LRRC61: variants seen among roughly 807,000 people sequenced by gnomAD.
LRRC61 encodes leucine rich repeat containing 61.
LRRC61 carries 9 observed loss-of-function variants against 15.1 expected under a neutral mutation model. That is an observed-to-expected ratio of 0.60 (90% CI 0.36 to 1.04). The LOEUF (loss-of-function observed/expected upper bound fraction) is 1.04, where lower values mean the gene tolerates loss of function less well. Ranked by LOEUF, LRRC61 falls within the 50% of genes least tolerant of loss-of-function variation. LRRC61 has a pLI of 0.01. For missense variants in LRRC61, 344 were observed against 335.6 expected, an observed-to-expected ratio of 1.03 and a Z score of -0.20; for synonymous variants, 173 against 158.6, an observed-to-expected ratio of 1.09 and a Z score of -0.68.
rs1004506405 is a variant in LRRC61 at position 150,336,062 on chromosome 7, G to A, written c.-144-656G>A. 7.2e-5 allele frequency among the ~76,000 whole-genome samples: 11 copies of A among 152,276 alleles called. 1 individual carries two copies. The highest frequency in any genetic ancestry group is 4.2e-4 in the South Asian group (2 of 4,812). On this transcript the variant is annotated intron_variant, in intron 2 of 2. Coordinates refer to ENST00000359623, the MANE Select transcript of LRRC61 (RefSeq NM_001142928.2). ...CAGTGAAGTGAGAGCAAGGGTGTGC[G>A]ACCTAGCCAGGCCACTTACCCCAGC...
upstream of LRRC61, among the ~76,000 whole-genome samples, chr7:150,321,434 T>A (rs1797503933): frequency 1.3e-5 from 2 of 152,202 alleles, no homozygotes; most frequent in African/African-American, 4.8e-5. Context: ...GGAGATCAAC[T>A]GAAATTAAAA....
rs143274000 is a variant in LRRC61, at chr7:150,336,936, A to G, written c.75A>G (p.Thr25=). 3.1e-5 allele frequency: 50 copies of G among 1,613,802 alleles called. No homozygotes were observed. The African/African-American group carries it at 6.1e-4, about 20-fold the overall frequency. The stretch of plus-strand genomic sequence containing the variant: ...CACCCCAGCTGCTGAAGTCACGCAC[A>G]GGCGAGTTCTCCCTGGAGTCCATCC... The part of the protein sequence containing the change: ...QITPQLLKSR[T]GEFSLESILL... The change falls in exon 3 of 3, where the codon ACA becomes ACG. Residue 25 remains threonine, a synonymous_variant. Coordinates refer to ENST00000359623, the MANE Select transcript of LRRC61 (RefSeq NM_001142928.2).
At chr7:150,336,363 G>C (rs1434954062) in intron 2 of LRRC61, among the ~76,000 whole-genome samples, 1 of 152,166 alleles carries the variant, frequency 6.6e-6, no homozygotes, top group Non-Finnish European at 1.5e-5. Context: ...AAAAATAACG[G>C]TTTAAAAAAC....
the LRRC61 span, among the ~76,000 whole-genome samples, chr7:150,313,744 AGGGAGAGAGG>A: frequency 2.6e-5 from 4 of 152,172 alleles, no homozygotes; most frequent in Non-Finnish European, 5.9e-5. Context: ...AGCTAGAAAG[AGGGAGAGAGG>A]GGGAGAGAGA....
At chr7:150,313,115 C>T in the LRRC61 span, among the ~76,000 whole-genome samples, 1 of 152,204 alleles carries the variant, frequency 6.6e-6, no homozygotes, top group Non-Finnish European at 1.5e-5. Flanking sequence ...TATATAACCA[C>T]CTTTAACTGT....
chr7:150,320,073 G>C (rs1236081574), upstream of LRRC61, among the ~76,000 whole-genome samples: 2 of 152,220 alleles, frequency 1.3e-5, no homozygotes, highest in African/African-American at 4.8e-5. Context: ...ATTAACGCTG[G>C]AAAGGGACCA....
chr7:150,313,356 T>C, the LRRC61 span, among the ~76,000 whole-genome samples: 2 of 152,192 alleles, frequency 1.3e-5, no homozygotes, highest in Non-Finnish European at 2.9e-5. Flanking sequence ...GATTTTAAAG[T>C]TTCTCATTGG....
At position 150,331,085 on chromosome 7, in the gene LRRC61, CT is replaced by C. The variant is rs1798095398; in HGVS notation, c.-145+5076del. ...AGCGAGAAGCCTGGCCACCATCTAT[CT>C]GTCTTACCCCCCACAGGAGCCTTCT... On this transcript the variant is annotated intron_variant, in intron 2 of 2. Transcript: ENST00000359623. 2.5e-6 allele frequency: 4 copies of C among 1,613,006 alleles called. No homozygotes were observed. In the African/African-American group the frequency reaches 4.0e-5, roughly 16 times the overall value.
upstream of LRRC61, among the ~76,000 whole-genome samples, chr7:150,321,869 A>G (rs1367155092): frequency 1.3e-5 from 2 of 152,368 alleles, no homozygotes; most frequent in East Asian, 3.9e-4. Flanking sequence ...TGCTTGGGGC[A>G]GGAGAAGGGT....
upstream of LRRC61, chr7:150,323,120 A>G (rs1797724645): frequency 5.3e-6 from 1 of 188,146 alleles, no homozygotes; most frequent in Non-Finnish European, 1.1e-5. Context: ...CTAAGGCCGC[A>G]CCGATAAACG....
chr7:150,312,769 C>T, the LRRC61 span, among the ~76,000 whole-genome samples: 1 of 152,188 alleles, frequency 6.6e-6, no homozygotes, highest in Non-Finnish European at 1.5e-5. Flanking sequence ...CCGATATTTT[C>T]TTCATCTTTT....
chr7:150,335,391 G>A lies in LRRC61; in HGVS notation c.-144-1327G>A, dbSNP rs1798256816. Among the ~76,000 whole-genome samples, 1 of 152,244 alleles carries A rather than the reference G, an allele frequency of 6.6e-6. No homozygotes were observed. The highest frequency in any genetic ancestry group is 6.5e-5 in the Admixed American group (1 of 15,274). ...TAAATAAAAGAGAATGAGCTGGAAT[G>A]TTGCAGACTAGAAGGGAGCTAGATA... On this transcript the variant is annotated intron_variant, in intron 2 of 2. Coordinates refer to ENST00000359623, the MANE Select transcript of LRRC61 (RefSeq NM_001142928.2). The surrounding 1 kb of genome is among the most constrained non-coding windows in gnomAD (Gnocchi z 4.3).
Position 150,330,195 on chromosome 7 carries a change from C to T in LRRC61, c.-145+4185C>T, listed in dbSNP as rs3800780. 4 of 589,538 alleles carry T rather than the reference C, an allele frequency of 6.8e-6. No individual in the cohort carries two copies. Among genetic ancestry groups the T allele is most frequent in the South Asian group, 2.0e-5 (1 of 49,786 alleles). 36.5% of individuals were successfully genotyped at this position (589,538 alleles called of 1,614,324 possible). ...CCAGGGACTCCTCACCCAGCTCCAG[C>T]GCCAGCGCAGCCTCCTAGCCCACCA... On this transcript the variant is annotated intron_variant, in intron 2 of 2. Transcript: ENST00000359623. The surrounding 1 kb of genome is among the most constrained non-coding windows in gnomAD (Gnocchi z 4.6).
chr7:150,316,808 T>C, the LRRC61 span, among the ~76,000 whole-genome samples: 1 of 152,124 alleles, frequency 6.6e-6, no homozygotes, highest in Non-Finnish European at 1.5e-5. Context: ...TAAAAGTTCC[T>C]CTTGGAATTT....
intron 2 of LRRC61, among the ~76,000 whole-genome samples, chr7:150,334,532 A>G (rs1046230314): frequency 2.6e-5 from 4 of 152,158 alleles, no homozygotes; most frequent in Non-Finnish European, 4.4e-5. Flanking sequence ...TATCCCCAGC[A>G]TGGTTGGCCC....
chr7:150,314,605 A>G, the LRRC61 span, among the ~76,000 whole-genome samples: 2 of 152,094 alleles, frequency 1.3e-5, no homozygotes, highest in African/African-American at 4.8e-5. Flanking sequence ...CTGAAGCAAT[A>G]TTTTTGTGCT....
At chr7:150,320,201 G>C (rs905071651), upstream of LRRC61, among the ~76,000 whole-genome samples, 1 of 152,210 alleles carries the variant, frequency 6.6e-6, no homozygotes, top group Non-Finnish European at 1.5e-5. Context: ...AGGGTGAGTC[G>C]CAAAGTACAG....
chr7:150,318,507 T>C (rs1797165362), upstream of LRRC61, among the ~76,000 whole-genome samples: 1 of 152,214 alleles, frequency 6.6e-6, no homozygotes, highest in Non-Finnish European at 1.5e-5. Flanking sequence ...CTCACGCCTG[T>C]AATCCCAGCA....
At chr7:150,316,978 T>C in the LRRC61 span, among the ~76,000 whole-genome samples, 1 of 152,222 alleles carries the variant, frequency 6.6e-6, no homozygotes, top group Non-Finnish European at 1.5e-5. Flanking sequence ...TTTTTTCACA[T>C]AGATTTTGTA....
Sources: gnomAD v4.1 joint callset for allele counts (sites outside exome capture counted in the v4.1 genomes callset) on GRCh38, gnomAD v4.1.1 for gene constraint, Gnocchi (gnomAD v3.1) non-coding constraint, MANE v1.5 for transcripts, NCBI Gene and HGNC (gene_info 2026-07-23, HGNC 2026-07-21) for gene names.